Variants in CPVL observed in about 807,000 individuals in gnomAD.
CPVL encodes carboxypeptidase vitellogenic like, also known as probable serine carboxypeptidase CPVL.
In CPVL, 51 loss-of-function variants were observed where a neutral mutation model predicts 63.7. The observed-to-expected ratio is 0.80, with a 90% CI of 0.64 to 1.01. CPVL has a LOEUF of 1.01. Ranked by LOEUF, CPVL falls within the 50% of genes least tolerant of loss-of-function variation. The pLI is 0.00. For missense variants in CPVL, 530 were observed against 573.1 expected, an observed-to-expected ratio of 0.92 and a Z score of 0.77; for synonymous variants, 195 against 206.0, an observed-to-expected ratio of 0.95 and a Z score of 0.46.
chr7:29,037,682 A>G (rs760422768), intron 11 of CPVL, among the ~76,000 whole-genome samples: 1 of 152,182 alleles, frequency 6.6e-6, no homozygotes, highest in African/African-American at 2.4e-5. Flanking sequence ...AATGTTACCT[A>G]TGGATTAGAA....
chr7:29,019,839 A>G (rs914787190), intron 12 of CPVL, among the ~76,000 whole-genome samples: 2 of 152,226 alleles, frequency 1.3e-5, no homozygotes, highest in Non-Finnish European at 2.9e-5. Context: ...CTAAGGGGGA[A>G]GGATCTTTGC....
chr7:29,181,044 TC>T (rs1798004770), intron 5 of CPVL, among the ~76,000 whole-genome samples: 1 of 152,208 alleles, frequency 6.6e-6, no homozygotes, highest in Non-Finnish European at 1.5e-5. Flanking sequence ...AAAAAGTTAA[TC>T]TCCCTAGTAA....
At chr7:29,154,640 C>T (rs915485617) in intron 5 of CPVL, among the ~76,000 whole-genome samples, 1 of 152,044 alleles carries the variant, frequency 6.6e-6, no homozygotes, top group African/African-American at 2.4e-5. Context: ...TTGAGACCAG[C>T]CTGGCCAACA....
At chr7:29,167,445 C>T (rs952889712) in intron 5 of CPVL, among the ~76,000 whole-genome samples, 6 of 152,034 alleles carry the variant, frequency 3.9e-5, no homozygotes, top group African/African-American at 1.2e-4. Context: ...TTGTTTGATT[C>T]GCTGGTACAA....
chr7:29,111,091 T>C (rs323187), intron 3 of CPVL, among the ~76,000 whole-genome samples: 26,335 of 152,262 alleles, frequency 0.17, 2,513 homozygotes, highest in East Asian at 0.41. Flanking sequence ...TCTGCAGAAT[T>C]GTGAAATAAA....
intron 9 of CPVL, among the ~76,000 whole-genome samples, chr7:29,069,497 G>A (rs1388324228): frequency 1.3e-5 from 2 of 151,602 alleles, no homozygotes; most frequent in African/African-American, 4.8e-5. Flanking sequence ...AACATGGGTG[G>A]TCAAGACCTG....
At chr7:29,072,735 T>C (rs1281381746) in intron 7 of CPVL, among the ~76,000 whole-genome samples, 1 of 152,236 alleles carries the variant, frequency 6.6e-6, no homozygotes. Context: ...CTGCCATGTG[T>C]TAGGCATCTC....
At chr7:29,013,493 A>T (rs1288007516) in intron 12 of CPVL, 1 of 152,220 alleles carries the variant, frequency 6.6e-6, no homozygotes, top group Admixed American at 6.5e-5. Context: ...ATGAGTTAAA[A>T]ACCAAGGCCT....
chr7:29,079,584 T>A (rs1433253232), intron 7 of CPVL, among the ~76,000 whole-genome samples: 1 of 152,200 alleles, frequency 6.6e-6, no homozygotes, highest in African/African-American at 2.4e-5. Flanking sequence ...CAGTCCATTC[T>A]CAATAAATAT....
intron 1 of CPVL, among the ~76,000 whole-genome samples, chr7:29,186,867 T>C (rs183494516): frequency 0.013 from 1,922 of 152,294 alleles, 20 homozygotes; most frequent in South Asian, 0.043. Context: ...CTTACCCTAA[T>C]TTTTTGTTTT....
chr7:29,190,963 C>T (rs918348462), intron 1 of CPVL, among the ~76,000 whole-genome samples: 1 of 151,918 alleles, frequency 6.6e-6, no homozygotes. Flanking sequence ...GAGACAGGGC[C>T]TCACTCTGTC....
intron 6 of CPVL, among the ~76,000 whole-genome samples, chr7:29,091,373 A>C (rs1785765816): frequency 6.9e-6 from 1 of 144,386 alleles, no homozygotes; most frequent in Non-Finnish European, 1.5e-5. Flanking sequence ...TTAACCACTG[A>C]GCTTGTTTGG....
intron 7 of CPVL, among the ~76,000 whole-genome samples, chr7:29,084,984 GT>G (rs1338879697): frequency 1.3e-5 from 2 of 152,166 alleles, no homozygotes; most frequent in African/African-American, 4.8e-5. Flanking sequence ...GGGAGAAGGG[GT>G]AAAAAAATAC....
At chr7:29,178,607 A>G (rs532133770) in intron 5 of CPVL, among the ~76,000 whole-genome samples, 1 of 151,876 alleles carries the variant, frequency 6.6e-6, no homozygotes, top group African/African-American at 2.4e-5. Flanking sequence ...TTATCTTTTT[A>G]AAAAAAGCAG....
intron 1 of CPVL, among the ~76,000 whole-genome samples, chr7:29,189,004 A>T (rs764965753): frequency 3.5e-5 from 5 of 144,282 alleles, no homozygotes; most frequent in Non-Finnish European, 7.5e-5. Flanking sequence ...AAGCTGGAGT[A>T]CAGTGGCACA....
intron 1 of CPVL, among the ~76,000 whole-genome samples, chr7:29,189,429 T>C (rs1175906105): frequency 6.6e-6 from 1 of 152,082 alleles, no homozygotes; most frequent in Non-Finnish European, 1.5e-5. Context: ...CATAAAGCCA[T>C]AGGAACCCCC....
At chr7:29,028,523 G>A (rs1020205346) in intron 12 of CPVL, among the ~76,000 whole-genome samples, 1 of 152,150 alleles carries the variant, frequency 6.6e-6, no homozygotes, top group Admixed American at 6.5e-5. Context: ...TTTCTTCACA[G>A]CAAAGGGAAC....
chr7:29,069,827 T>TGTGTGTGTGTGTGTGTGTGTGCGCGC (rs1554335163), intron 9 of CPVL, among the ~76,000 whole-genome samples: 3 of 135,394 alleles, frequency 2.2e-5, no homozygotes, highest in African/African-American at 8.2e-5. Context: ...TGTGTGTGTG[T>TGTGTGTGTGTGTGTGTGTGTGCGCGC]GCATGTAAAT....
At chr7:29,192,170 C>T (rs770032919) in intron 1 of CPVL, 6 of 152,338 alleles carry the variant, frequency 3.9e-5, no homozygotes, top group Non-Finnish European at 5.9e-5. Context: ...GTTCAGCAAG[C>T]GTGTTTGTTG....
Sources: gnomAD v4.1 joint callset for allele counts (sites outside exome capture counted in the v4.1 genomes callset) on GRCh38, gnomAD v4.1.1 for gene constraint, MANE v1.5 for transcripts, NCBI Gene and HGNC (gene_info 2026-07-23, HGNC 2026-07-21) for gene names.